NDST4: variants seen among roughly 807,000 people sequenced by gnomAD.
The protein encoded by NDST4 is N-heparan sulfate sulfotransferase 4.
Under a neutral mutation model 100.8 loss-of-function variants are expected in NDST4, and 63 were observed. The ratio of observed to expected loss-of-function variants is 0.62; its 90% confidence interval spans 0.51 to 0.77. The LOEUF is 0.77. NDST4 is among the 30% of genes least tolerant of loss of function. NDST4 has a pLI of 0.00. For missense variants in NDST4, 943 were observed against 1,018.4 expected, an observed-to-expected ratio of 0.93 and a Z score of 1.01; for synonymous variants, 377 against 361.8, an observed-to-expected ratio of 1.04 and a Z score of -0.48.
chr4:115,051,829 C>A (rs1274377444), intron 2 of NDST4, among the ~76,000 whole-genome samples: 1 of 151,962 alleles, frequency 6.6e-6, no homozygotes, highest in Non-Finnish European at 1.5e-5. Flanking sequence ...TTTTGAGGAG[C>A]CTCTACACTA....
chr4:114,958,621 G>A (rs1047642834), intron 4 of NDST4, among the ~76,000 whole-genome samples: 2 of 152,166 alleles, frequency 1.3e-5, no homozygotes, highest in South Asian at 4.1e-4. Flanking sequence ...AAAGCAGCAA[G>A]GCCCTGGTTC....
At chr4:115,044,466 C>T (rs1394583812) in intron 2 of NDST4, among the ~76,000 whole-genome samples, 1 of 151,910 alleles carries the variant, frequency 6.6e-6, no homozygotes, top group Non-Finnish European at 1.5e-5. Flanking sequence ...ACAAAAGATT[C>T]TAAAGGCATG....
chr4:114,973,832 G>A (rs76916653), intron 3 of NDST4, among the ~76,000 whole-genome samples: 2,602 of 151,696 alleles, frequency 0.017, 83 homozygotes, highest in African/African-American at 0.06. Context: ...ATTTCTAAAT[G>A]TTGAGATATT....
At chr4:115,047,927 C>A (rs1017299569) in intron 2 of NDST4, among the ~76,000 whole-genome samples, 2 of 147,450 alleles carry the variant, frequency 1.4e-5, no homozygotes, top group Non-Finnish European at 2.9e-5. Flanking sequence ...TTTTTTTCAA[C>A]CTTTTTAAAA....
At chr4:114,833,876 C>T (rs372859799) in intron 11 of NDST4, among the ~76,000 whole-genome samples, 161 bp from the exon 12 acceptor site, 9 of 152,272 alleles carry the variant, frequency 5.9e-5, no homozygotes, top group South Asian at 2.1e-4. Context: ...ATTCTTGCAT[C>T]CTTCCACATA....
At chr4:115,003,959 T>C (rs1727356601) in intron 2 of NDST4, among the ~76,000 whole-genome samples, 1 of 152,090 alleles carries the variant, frequency 6.6e-6, no homozygotes, top group African/African-American at 2.4e-5. Context: ...CTTCTTACAG[T>C]CAATAAGAGG....
At position 114,834,533 on chromosome 4, in the gene NDST4, A is replaced by G. The variant is rs910340834; in HGVS notation, c.2287-818T>C. On this transcript the variant is annotated intron_variant, in intron 11 of 13. Coordinates refer to ENST00000264363, the MANE Select transcript of NDST4 (RefSeq NM_022569.3). Reference sequence around the variant, plus strand: ...CATCTCAAAAAAAAAAAAAAAAAAAAAAGGAATACTGGAAAAAGGTCAATG... The same window carrying G: ...CATCTCAAAAAAAAAAAAAAAAAAAGAAGGAATACTGGAAAAAGGTCAATG... 2.5e-3 allele frequency among the ~76,000 whole-genome samples: 380 copies of G among 151,676 alleles called. 6 individuals carry two copies. Among genetic ancestry groups the G allele is most frequent in the African/African-American group, 8.9e-3 (365 of 41,160 alleles).
intron 2 of NDST4, among the ~76,000 whole-genome samples, chr4:114,992,237 C>T (rs74969405): frequency 6.6e-6 from 1 of 151,562 alleles, no homozygotes; most frequent in Admixed American, 6.6e-5. Context: ...GTTTTTACAT[C>T]TCCTTAAGCT....
intron 4 of NDST4, among the ~76,000 whole-genome samples, chr4:114,962,101 C>G (rs1726276389): frequency 6.6e-6 from 1 of 151,938 alleles, no homozygotes; most frequent in Non-Finnish European, 1.5e-5. Context: ...GTAACAAATC[C>G]AACATCCTTC....
At chr4:114,927,501 A>T (rs1018242769) in intron 6 of NDST4, among the ~76,000 whole-genome samples, 3 of 151,988 alleles carry the variant, frequency 2.0e-5, no homozygotes, top group African/African-American at 7.2e-5. Context: ...TTTTATTTCA[A>T]AATGATTAGG....
intron 6 of NDST4, among the ~76,000 whole-genome samples, chr4:114,933,432 CT>C (rs367931653): frequency 3.1e-3 from 274 of 89,240 alleles, no homozygotes; most frequent in Middle Eastern, 0.025. Context: ...TTTTCTTTTC[CT>C]TTTTTTTTTT....
intron 6 of NDST4, among the ~76,000 whole-genome samples, chr4:114,908,584 A>G (rs768717461): frequency 3.9e-5 from 6 of 152,170 alleles, no homozygotes; most frequent in Admixed American, 6.5e-5. Flanking sequence ...TTTACTGATT[A>G]GCAGCTGCAG....
intron 2 of NDST4, among the ~76,000 whole-genome samples, chr4:115,019,611 TA>T (rs1727764572): frequency 6.6e-6 from 1 of 152,242 alleles, no homozygotes; most frequent in South Asian, 2.1e-4. Context: ...GCATAAAATG[TA>T]AAAGTTTTAT....
chr4:114,828,161 C>G (rs1723121597), intron 13 of NDST4, among the ~76,000 whole-genome samples: 1 of 152,022 alleles, frequency 6.6e-6, no homozygotes, highest in South Asian at 2.1e-4. Context: ...TATGGCGTAT[C>G]TGTCATTACG....
chr4:114,897,620 C>T (rs546066154), intron 6 of NDST4, among the ~76,000 whole-genome samples: 8 of 152,124 alleles, frequency 5.3e-5, no homozygotes, highest in South Asian at 2.1e-4. Flanking sequence ...GGTCTTATGG[C>T]AACTGTATGT....
intron 2 of NDST4, among the ~76,000 whole-genome samples, chr4:115,075,416 C>A (rs1729156871): frequency 6.6e-6 from 1 of 152,154 alleles, no homozygotes; most frequent in African/African-American, 2.4e-5. Flanking sequence ...CTTGGTTTCA[C>A]TGTTACAAAC....
rs1264221304 is a variant in NDST4 at position 114,926,747 on chromosome 4, G to C, written c.1536+8459C>G. On this transcript the variant is annotated intron_variant, in intron 6 of 13. Transcript: ENST00000264363. ...TTGACTGCAGAGCAAAGCTGCAGAT[G>C]TTATTATAAACCAGAAAAACAAAAT... is the stretch of plus-strand genomic sequence containing the variant. Among the ~76,000 whole-genome samples, 7 of 152,192 alleles carry C rather than the reference G, an allele frequency of 4.6e-5. No individual in the cohort carries two copies. In the East Asian group the frequency reaches 1.3e-3, roughly 29 times the overall value.
intron 6 of NDST4, among the ~76,000 whole-genome samples, chr4:114,922,751 A>G (rs1030031241): frequency 4.6e-5 from 7 of 152,218 alleles, no homozygotes; most frequent in African/African-American, 1.7e-4. Flanking sequence ...CGTAGTGGTA[A>G]CAAAAGGGCA....
At chr4:114,869,150 TA>T (rs1724094644) in intron 7 of NDST4, among the ~76,000 whole-genome samples, 1 of 151,640 alleles carries the variant, frequency 6.6e-6, no homozygotes. Flanking sequence ...TGATTATATT[TA>T]TTTTTTAAGA....
Sources: allele counts gnomAD v4.1 joint callset (sites outside exome capture counted in the v4.1 genomes callset), GRCh38; gene constraint gnomAD v4.1.1; transcripts MANE v1.5; gene names NCBI Gene and HGNC (gene_info 2026-07-23, HGNC 2026-07-21).